Variants in PCDHA12 observed in about 807,000 individuals in gnomAD.
PCDHA12 encodes protocadherin alpha-12.
A neutral mutation model predicts 60.0 loss-of-function variants in PCDHA12; 44 were observed. The observed-to-expected ratio is 0.73, with a 90% CI of 0.58 to 0.94. PCDHA12 has a LOEUF of 0.94. Ranked by LOEUF, PCDHA12 falls within the 40% of genes least tolerant of loss-of-function variation. PCDHA12 has a pLI of 0.00. For missense variants in PCDHA12, 1,276 were observed against 1,239.7 expected, an observed-to-expected ratio of 1.03 and a Z score of -0.44; for synonymous variants, 569 against 553.0, an observed-to-expected ratio of 1.03 and a Z score of -0.40.
chr5:140,884,229 A>T (rs2060058344), intron 1 of PCDHA12: 2 of 1,613,258 alleles, frequency 1.2e-6, no homozygotes. Flanking sequence ...GTGAAGGACC[A>T]CGGTGAGCCC....
intron 1 of PCDHA12, chr5:140,884,245 G>A: frequency 6.2e-7 from 1 of 1,613,462 alleles, no homozygotes; most frequent in Non-Finnish European, 8.5e-7. Context: ...AGCCCGCGCT[G>A]ACGGCCACGG....
intron 1 of PCDHA12, among the ~76,000 whole-genome samples, chr5:140,919,099 C>T (rs972213897): frequency 4.6e-5 from 7 of 152,126 alleles, no homozygotes; most frequent in Non-Finnish European, 7.4e-5. Context: ...CTATTTCTCC[C>T]TTCATTTCTG....
intron 1 of PCDHA12, among the ~76,000 whole-genome samples, chr5:140,950,687 C>A (rs2153690415): frequency 6.6e-6 from 1 of 152,106 alleles, no homozygotes; most frequent in South Asian, 2.1e-4. Context: ...ATATTGTTAA[C>A]CAAATTTGAC....
At chr5:140,976,515 C>T (rs1285704969) in intron 1 of PCDHA12, among the ~76,000 whole-genome samples, 1 of 152,016 alleles carries the variant, frequency 6.6e-6, no homozygotes, top group Non-Finnish European at 1.5e-5. Flanking sequence ...CGCGCCACTG[C>T]ACACCAGCCT....
chr5:141,001,058 A>G (rs1554257985), intron 3 of PCDHA12, among the ~76,000 whole-genome samples: 2 of 152,146 alleles, frequency 1.3e-5, no homozygotes, highest in African/African-American at 4.8e-5. Flanking sequence ...TAAATCATTT[A>G]AAATTAAATA....
At chr5:140,988,828 A>C (rs1554250455) in intron 3 of PCDHA12, 1 of 152,170 alleles carries the variant, frequency 6.6e-6, no homozygotes, top group Non-Finnish European at 1.5e-5. Flanking sequence ...CCAAACAGAG[A>C]TCACGTGTCT....
intron 2 of PCDHA12, 130 bp from the exon 3 acceptor site, chr5:140,982,345 A>G: frequency 6.8e-7 from 1 of 1,471,098 alleles, no homozygotes; most frequent in Non-Finnish European, 9.1e-7. Context: ...TAATTGCTTC[A>G]GTTCAAGCAT....
At chr5:140,957,490 G>T (rs921873894) in intron 1 of PCDHA12, among the ~76,000 whole-genome samples, 1 of 152,130 alleles carries the variant, frequency 6.6e-6, no homozygotes, top group South Asian at 2.1e-4. Context: ...CATAGTATAT[G>T]TAGAATTCAG....
intron 1 of PCDHA12, 137 bp downstream of exon 1, chr5:140,877,976 C>T: frequency 8.0e-7 from 1 of 1,255,054 alleles, no homozygotes. Flanking sequence ...GTCATTCTTA[C>T]TCATTTTGAA....
At chr5:140,956,925 G>GA (rs1487375223) in intron 1 of PCDHA12, among the ~76,000 whole-genome samples, 1 of 151,858 alleles carries the variant, frequency 6.6e-6, no homozygotes, top group Non-Finnish European at 1.5e-5. Context: ...AATCTTGCTG[G>GA]ATATAGGATA....
Position 140,967,862 on chromosome 5 carries a change from G to T in PCDHA12, c.2368-11087G>T, listed in dbSNP as rs781878230. On this transcript the variant is annotated intron_variant, in intron 1 of 3. Transcript: ENST00000398631. ...CGTGAATGACAATGCCCCAGAGGTG[G>T]TGCTCACGGACCTGTATAGCCCAGT... The T allele has an allele frequency of 8.1e-6, 13 of 1,614,170 alleles. No individual in the cohort carries two copies. The East Asian group carries it at 2.5e-4, about 30-fold the overall frequency.
At chr5:140,921,811 T>C (rs1484171257) in intron 1 of PCDHA12, among the ~76,000 whole-genome samples, 1 of 152,096 alleles carries the variant, frequency 6.6e-6, no homozygotes, top group Non-Finnish European at 1.5e-5. Context: ...ATAAGATACA[T>C]GTGTGAATAT....
At chr5:140,984,588 T>C (rs1338170509) in intron 3 of PCDHA12, among the ~76,000 whole-genome samples, 1 of 152,170 alleles carries the variant, frequency 6.6e-6, no homozygotes, top group Non-Finnish European at 1.5e-5. Flanking sequence ...AATCATACTT[T>C]TCAATACATA....
intron 1 of PCDHA12, among the ~76,000 whole-genome samples, chr5:140,904,934 G>A (rs1181903303): frequency 6.6e-6 from 1 of 152,110 alleles, no homozygotes; most frequent in Non-Finnish European, 1.5e-5. Context: ...GTAGGTTCTG[G>A]ATATTAGTCC....
chr5:140,969,286 T>C (rs2096315830), intron 1 of PCDHA12: 3 of 1,614,076 alleles, frequency 1.9e-6, no homozygotes, highest in Admixed American at 1.7e-5. Flanking sequence ...GTCAGAATGC[T>C]GGGAACCTGA....
At chr5:140,992,954 C>T (rs1174073844) in intron 3 of PCDHA12, among the ~76,000 whole-genome samples, 4 of 152,190 alleles carry the variant, frequency 2.6e-5, no homozygotes, top group Non-Finnish European at 5.9e-5. Context: ...TTAAATCACC[C>T]CTTATACTGC....
chr5:140,973,590 A>G (rs562109843), intron 1 of PCDHA12, among the ~76,000 whole-genome samples: 3 of 152,340 alleles, frequency 2.0e-5, no homozygotes, highest in Non-Finnish European at 4.4e-5. Context: ...GCTGAGCCAG[A>G]TGGAATTATG....
At chr5:140,897,648 T>C (rs556362001) in intron 1 of PCDHA12, among the ~76,000 whole-genome samples, 1 of 152,302 alleles carries the variant, frequency 6.6e-6, no homozygotes, top group African/African-American at 2.4e-5. Flanking sequence ...ACAATAAACA[T>C]ACGTGTGCAT....
At chr5:140,997,329 T>C (rs1030113015) in intron 3 of PCDHA12, among the ~76,000 whole-genome samples, 1 of 152,228 alleles carries the variant, frequency 6.6e-6, no homozygotes, top group African/African-American at 2.4e-5. Context: ...AGTTTTTTCG[T>C]TGTACAAATA....
Sources: gnomAD v4.1 joint callset for allele counts (sites outside exome capture counted in the v4.1 genomes callset) on GRCh38, gnomAD v4.1.1 for gene constraint, MANE v1.5 for transcripts, NCBI Gene and HGNC (gene_info 2026-07-23, HGNC 2026-07-21) for gene names.